The following CRISPLD2 variants were observed in gnomAD, a reference collection of about 807,000 sequenced individuals.
The protein encoded by CRISPLD2 is cysteine-rich secretory protein LCCL domain-containing 2.
CRISPLD2 carries 47 observed loss-of-function variants against 71.1 expected under a neutral mutation model. That is an observed-to-expected ratio of 0.66 (90% CI 0.52 to 0.84). The LOEUF (loss-of-function observed/expected upper bound fraction) is 0.84. CRISPLD2 is among the 40% of genes least tolerant of loss of function. CRISPLD2 has a pLI of 0.00. For missense variants in CRISPLD2, 830 were observed against 651.1 expected (o/e 1.27, Z -2.99); for synonymous variants, 317 against 250.1 (o/e 1.27, Z -2.52).
chr16:84,856,635 A>G (rs1917248862), intron 6 of CRISPLD2, among the ~76,000 whole-genome samples: 2 of 152,286 alleles, frequency 1.3e-5, no homozygotes, highest in Admixed American at 6.5e-5. Flanking sequence ...GGGAGAAACA[A>G]TCCCACATAT....
chr16:84,841,577 A>G (rs1480160450), intron 2 of CRISPLD2, among the ~76,000 whole-genome samples: 2 of 150,820 alleles, frequency 1.3e-5, no homozygotes, highest in African/African-American at 4.9e-5. Context: ...TTTGCGGGAG[A>G]GGATGCATTT....
chr16:84,873,568 T>G (rs2071492668), intron 10 of CRISPLD2: 1 of 232,462 alleles, frequency 4.3e-6, no homozygotes, highest in Non-Finnish European at 8.1e-6. Flanking sequence ...TTTTTATAAT[T>G]TGATCATGAT....
intron 7 of CRISPLD2, among the ~76,000 whole-genome samples, 197 bp from the exon 8 acceptor site, chr16:84,868,654 T>A (rs1254036458): frequency 6.6e-6 from 1 of 152,222 alleles, no homozygotes; most frequent in Non-Finnish European, 1.5e-5. Context: ...TTGTTCAAGG[T>A]CACACTGCTA....
chr16:84,897,555 G>T (rs78534774), intron 14 of CRISPLD2, among the ~76,000 whole-genome samples: 1 of 152,210 alleles, frequency 6.6e-6, no homozygotes, highest in African/African-American at 2.4e-5. Context: ...AAACATTCCA[G>T]TGTATTTTCT....
At chr16:84,903,868 C>A (rs1343547029) in intron 14 of CRISPLD2, among the ~76,000 whole-genome samples, 1 of 152,146 alleles carries the variant, frequency 6.6e-6, no homozygotes. Context: ...ACAGAGGGAT[C>A]TGTGGTGTCT....
intron 14 of CRISPLD2, among the ~76,000 whole-genome samples, chr16:84,892,705 G>A (rs957870661): frequency 6.6e-6 from 1 of 152,086 alleles, no homozygotes; most frequent in Non-Finnish European, 1.5e-5. Context: ...GCCAGGCGTG[G>A]TGGCTCACAC....
chr16:84,837,663 C>T (rs576168390), intron 1 of CRISPLD2, among the ~76,000 whole-genome samples: 11 of 152,268 alleles, frequency 7.2e-5, no homozygotes, highest in African/African-American at 2.2e-4. Flanking sequence ...GTGATCCGCC[C>T]GCCTCGGCCT....
chr16:84,879,524 G>A (rs62048690), intron 12 of CRISPLD2, among the ~76,000 whole-genome samples: 24,180 of 152,112 alleles, frequency 0.16, 2,328 homozygotes, highest in Middle Eastern at 0.24. Context: ...CACCACGCCT[G>A]GCTAATTTTG....
At chr16:84,839,612 G>C (rs1916718594) in intron 2 of CRISPLD2, 2 of 152,492 alleles carry the variant, frequency 1.3e-5, no homozygotes, top group African/African-American at 4.8e-5. Context: ...TTCCAGGTGT[G>C]GTTGGGCGAT....
At position 84,844,747 on chromosome 16, in the gene CRISPLD2, C is replaced by T. The variant is rs143147096; in HGVS notation, c.241-1039C>T. 7.2e-5 allele frequency among the ~76,000 whole-genome samples: 11 copies of T among 152,264 alleles called. No individual in the cohort carries two copies. In the East Asian group the frequency reaches 2.1e-3, roughly 29 times the overall value. ...TCTTGCTGTGTTGCCCTGCGGGTGGCCAGTGAGAGTCTAAAATCCCCTGCA... is the reference window on the plus strand; with the variant it reads ...TCTTGCTGTGTTGCCCTGCGGGTGGTCAGTGAGAGTCTAAAATCCCCTGCA... On this transcript the variant is annotated intron_variant, in intron 2 of 14. Transcript: ENST00000262424.
At chr16:84,852,296 C>A (rs374650392) in intron 5 of CRISPLD2, among the ~76,000 whole-genome samples, 2 of 152,204 alleles carry the variant, frequency 1.3e-5, no homozygotes, top group East Asian at 3.8e-4. Context: ...GCCCTCTACC[C>A]GTGTAACTAC....
intron 1 of CRISPLD2, among the ~76,000 whole-genome samples, chr16:84,823,786 G>C (rs1036371278): frequency 6.6e-6 from 1 of 152,170 alleles, no homozygotes; most frequent in Non-Finnish European, 1.5e-5. Context: ...AAAACGTCCT[G>C]ATGAGGATTG....
chr16:84,865,595 G>A (rs1326442106), intron 6 of CRISPLD2, among the ~76,000 whole-genome samples: 1 of 152,094 alleles, frequency 6.6e-6, no homozygotes, highest in Non-Finnish European at 1.5e-5. Context: ...TTCCAACTCT[G>A]GTCCAAAGAC....
rs1597474243 is a variant in CRISPLD2 at position 84,877,653 on chromosome 16, C to T, written c.1229+143C>T. ...TCACTTGAGGCCAGGAGTTCGTGACCAGCCTGGCCAACATGGTGAAACCCC... is the reference window on the plus strand; with the variant it reads ...TCACTTGAGGCCAGGAGTTCGTGACTAGCCTGGCCAACATGGTGAAACCCC... On this transcript the variant is annotated intron_variant, in intron 12 of 14. Transcript: ENST00000262424. 34 of 564,920 alleles carry T rather than the reference C, an allele frequency of 6.0e-5. 2 individuals carry two copies. The South Asian group carries it at 6.7e-4, about 11-fold the overall frequency. The allele number at this position is 564,920 out of a possible 1,614,324, so 35.0% of individuals were successfully genotyped here.
At chr16:84,872,652 A>G (rs2071481481) in intron 9 of CRISPLD2, 144 bp downstream of exon 9, 3 of 753,638 alleles carry the variant, frequency 4.0e-6, no homozygotes, top group South Asian at 1.8e-5. Flanking sequence ...GCGGGTGTAT[A>G]TTTATGGGCT....
At chr16:84,845,173 G>A (rs528813228) in intron 2 of CRISPLD2, among the ~76,000 whole-genome samples, 4 of 152,350 alleles carry the variant, frequency 2.6e-5, no homozygotes, top group South Asian at 2.1e-4. Context: ...GGGACCCAGG[G>A]AAAATGGCAT....
chr16:84,846,655 C>G (rs1212129782), intron 3 of CRISPLD2, among the ~76,000 whole-genome samples: 1 of 152,172 alleles, frequency 6.6e-6, no homozygotes, highest in African/African-American at 2.4e-5. Flanking sequence ...CTGTCTGGTT[C>G]TGCTCACTGT....
At chr16:84,885,266 C>T (rs1243134624) in intron 13 of CRISPLD2, among the ~76,000 whole-genome samples, 1 of 152,228 alleles carries the variant, frequency 6.6e-6, no homozygotes, top group Non-Finnish European at 1.5e-5. Flanking sequence ...CTCGCCCCCG[C>T]TCACGGCGAT....
intron 8 of CRISPLD2, 81 bp downstream of exon 8, chr16:84,868,992 A>T: frequency 1.6e-6 from 2 of 1,234,846 alleles, no homozygotes; most frequent in South Asian, 1.4e-5. Context: ...CTCTGGGCCT[A>T]TGCTGGGCTG....
Sources: gnomAD v4.1 joint callset for allele counts (sites outside exome capture counted in the v4.1 genomes callset) on GRCh38, gnomAD v4.1.1 for gene constraint, MANE v1.5 for transcripts, NCBI Gene and HGNC (gene_info 2026-07-23, HGNC 2026-07-21) for gene names.